Variants in VPS13D observed in about 807,000 individuals in gnomAD.
VPS13D encodes the protein vacuolar protein sorting 13 homolog D, also known as intermembrane lipid transfer protein VPS13D.
A neutral mutation model predicts 461.9 loss-of-function variants in VPS13D; 187 were observed. That is an observed-to-expected ratio of 0.40 (90% confidence interval 0.36 to 0.46). VPS13D has a LOEUF of 0.46. VPS13D is among the 20% of genes least tolerant of loss of function. The probability of loss-of-function intolerance (pLI) is 0.60; values close to 1 mark genes in which losing one functional copy is unlikely to be tolerated. For synonymous variants in VPS13D, 1,951 were observed against 1,986.3 expected (o/e 0.98, Z 0.47); for missense variants, 4,711 against 5,364.9 (o/e 0.88, Z 3.81).
At chr1:12,403,745 T>C in intron 62 of VPS13D, 80 bp from the exon 63 acceptor site, 2 of 1,368,724 alleles carry the variant, frequency 1.5e-6, no homozygotes, top group South Asian at 3.1e-5. Context: ...GATTTTTTTC[T>C]ATGTGAATAC....
intron 25 of VPS13D, among the ~76,000 whole-genome samples, chr1:12,300,464 T>C (rs1306843219): frequency 6.6e-6 from 1 of 152,168 alleles, no homozygotes; most frequent in Non-Finnish European, 1.5e-5. Context: ...CGCCTTGGCC[T>C]CCCAAAGTGC....
intron 2 of VPS13D, among the ~76,000 whole-genome samples, chr1:12,240,428 C>G (rs146615925): frequency 3.3e-5 from 5 of 151,966 alleles, no homozygotes; most frequent in East Asian, 1.9e-4. Context: ...AACCCTGTCT[C>G]TACTAAAAAT....
chr1:12,418,128 G>A (rs150669448), intron 65 of VPS13D, among the ~76,000 whole-genome samples: 13 of 152,158 alleles, frequency 8.5e-5, no homozygotes, highest in Admixed American at 2.0e-4. Flanking sequence ...GGCTGGTCTC[G>A]AACTCCTGAC....
chr1:12,406,406 G>A (rs1644655641), intron 63 of VPS13D, among the ~76,000 whole-genome samples: 1 of 152,134 alleles, frequency 6.6e-6, no homozygotes, highest in Non-Finnish European at 1.5e-5. Flanking sequence ...CAGGAGTCAC[G>A]AGAGCCTGAC....
chr1:12,363,012 G>A (rs1643973439), intron 51 of VPS13D, 60 bp from the exon 52 acceptor site: 1 of 1,598,532 alleles, frequency 6.3e-7, no homozygotes, highest in Non-Finnish European at 8.5e-7. Context: ...TAGGTACTCA[G>A]TAACACTTAT....
chr1:12,355,129 G>A (rs538926274), intron 47 of VPS13D, among the ~76,000 whole-genome samples: 23 of 152,342 alleles, frequency 1.5e-4, no homozygotes, highest in Admixed American at 9.8e-4. Context: ...ATACTCAGCA[G>A]TGTATGAGTG....
At chr1:12,275,255 A>C (rs542875466) in intron 18 of VPS13D, among the ~76,000 whole-genome samples, 1 of 151,452 alleles carries the variant, frequency 6.6e-6, no homozygotes, top group Admixed American at 6.6e-5. Context: ...AAATGTAAAA[A>C]ATACAAAAAA....
intron 60 of VPS13D, among the ~76,000 whole-genome samples, chr1:12,390,664 C>T (rs1242693070): frequency 6.6e-6 from 1 of 152,194 alleles, no homozygotes; most frequent in Non-Finnish European, 1.5e-5. Flanking sequence ...AATCAACCTG[C>T]CACCAGGTAG....
intron 52 of VPS13D, among the ~76,000 whole-genome samples, chr1:12,366,766 C>T (rs1363646894): frequency 3.9e-5 from 6 of 152,138 alleles, no homozygotes; most frequent in African/African-American, 1.4e-4. Flanking sequence ...ATGAATATCC[C>T]TATATCTTGT....
intron 54 of VPS13D, among the ~76,000 whole-genome samples, chr1:12,370,063 A>C (rs1181001031): frequency 6.6e-6 from 1 of 152,094 alleles, no homozygotes; most frequent in Non-Finnish European, 1.5e-5. Context: ...CTCTCCTCCC[A>C]CCATCCCATT....
chr1:12,390,620 C>T (rs1447299478), intron 60 of VPS13D, among the ~76,000 whole-genome samples: 1 of 152,220 alleles, frequency 6.6e-6, no homozygotes, highest in Admixed American at 6.5e-5. Context: ...TGAAGACAAA[C>T]TCTGCCCTTT....
At chr1:12,264,364 G>A (rs1040233412) in intron 13 of VPS13D, among the ~76,000 whole-genome samples, 1 of 152,212 alleles carries the variant, frequency 6.6e-6, no homozygotes, top group Non-Finnish European at 1.5e-5. Flanking sequence ...GGAAGACGTC[G>A]AAAGCTGAGA....
chr1:12,419,257 A>G (rs569084590), intron 65 of VPS13D, among the ~76,000 whole-genome samples: 22 of 152,144 alleles, frequency 1.4e-4, no homozygotes, highest in Non-Finnish European at 2.5e-4. Context: ...CTGGTATGGG[A>G]ACTTCCCTTC....
chr1:12,416,005 A>T (rs1644789103), intron 64 of VPS13D, among the ~76,000 whole-genome samples: 1 of 151,870 alleles, frequency 6.6e-6, no homozygotes, highest in African/African-American at 2.4e-5. Flanking sequence ...ACATATTGAG[A>T]CCCCATCTCT....
intron 21 of VPS13D, among the ~76,000 whole-genome samples, chr1:12,284,927 G>A (rs1212645571): frequency 6.6e-6 from 1 of 152,146 alleles, no homozygotes; most frequent in Non-Finnish European, 1.5e-5. Flanking sequence ...ACCTGGAGAG[G>A]CGTTAGCCAT....
At chr1:12,298,899 C>T (rs1642348029) in intron 24 of VPS13D, among the ~76,000 whole-genome samples, 1 of 151,886 alleles carries the variant, frequency 6.6e-6, no homozygotes, top group Non-Finnish European at 1.5e-5. Flanking sequence ...TAAGTGTATC[C>T]CACAAATTTT....
intron 47 of VPS13D, 27 bp downstream of exon 47, chr1:12,354,248 G>A (rs1643866848): frequency 6.2e-7 from 1 of 1,608,762 alleles, no homozygotes; most frequent in Non-Finnish European, 8.5e-7. Context: ...ATGATCATTT[G>A]TCATAATCCT....
chr1:12,506,923 A>G lies in VPS13D; in HGVS notation c.12865A>G (p.Ser4289Gly), dbSNP rs1646117529. 1 of 1,614,270 alleles carries G rather than the reference A, an allele frequency of 6.2e-7. No individual in the cohort carries two copies. Among genetic ancestry groups the G allele is most frequent in the Non-Finnish European group, 8.5e-7 (1 of 1,180,054 alleles). The change falls in exon 69 of 70, where the codon AGT becomes GGT. Residue 4289 changes from serine to glycine, a missense_variant. Transcript: ENST00000620676. Reference protein sequence around the residue: ...ISSKAVYFLKSGDYVDREAIF... With the variant: ...ISSKAVYFLKGGDYVDREAIF... ...CTCCAAAGCTGTTTACTTCCTGAAA[A>G]GTGGAGACTACGTGGATCGAGAAGC...
rs1253071624 is a variant in VPS13D at position 12,382,993 on chromosome 1, T to C, written c.11208T>C (p.Ser3736=). ...TCTTTTAGGCCAAAGGAGGACTTTC[T>C]GGTTTGTTTGATGGAGCTGAAGTTG... ...GLVVQAKGGL[S]GLFDGAEVVL... Residue 3736 remains serine, a synonymous_variant, in exon 58 of 70, where the codon TCT becomes TCC. Coordinates refer to ENST00000620676, the MANE Select transcript of VPS13D (RefSeq NM_015378.4). The C allele has an allele frequency of 2.5e-6, 4 of 1,613,890 alleles. No homozygotes were observed. Among genetic ancestry groups the C allele is most frequent in the Non-Finnish European group, 3.4e-6 (4 of 1,179,932 alleles).
Sources: gnomAD v4.1 joint callset for allele counts (sites outside exome capture counted in the v4.1 genomes callset) on GRCh38, gnomAD v4.1.1 for gene constraint, MANE v1.5 for transcripts, NCBI Gene and HGNC (gene_info 2026-07-23, HGNC 2026-07-21) for gene names.